Variants in MUC13 observed in about 807,000 individuals in gnomAD.
The protein encoded by MUC13 is mucin 13, cell surface associated.
In MUC13, 32 loss-of-function variants were observed where a neutral mutation model predicts 48.3. That is an observed-to-expected ratio of 0.66 (90% CI 0.50 to 0.89). MUC13 has a LOEUF of 0.89. Ranked by LOEUF, MUC13 falls within the 40% of genes least tolerant of loss-of-function variation. The probability of loss-of-function intolerance (pLI) is 0.00; values close to 1 mark genes in which losing one functional copy is unlikely to be tolerated. For missense variants in MUC13, 571 were observed against 622.8 expected, an observed-to-expected ratio of 0.92 and a Z score of 0.88; for synonymous variants, 199 against 224.9, an observed-to-expected ratio of 0.88 and a Z score of 1.03.
chr3:124,909,506 G>T (rs1484831974), intron 10 of MUC13, among the ~76,000 whole-genome samples: 1 of 151,462 alleles, frequency 6.6e-6, no homozygotes, highest in East Asian at 2.0e-4. Flanking sequence ...GTGTGTGTGT[G>T]TGTGTGTGTG....
intron 9 of MUC13, 63 bp from the exon 10 acceptor site, chr3:124,910,562 A>G: frequency 6.3e-7 from 1 of 1,596,776 alleles, no homozygotes; most frequent in Non-Finnish European, 8.5e-7. Context: ...TCTACTGCAC[A>G]GGTTCGTGTA....
intron 2 of MUC13, among the ~76,000 whole-genome samples, chr3:124,926,035 T>C (rs1399181045): frequency 6.6e-6 from 1 of 152,218 alleles, no homozygotes; most frequent in Non-Finnish European, 1.5e-5. Flanking sequence ...ACCAGTCTTC[T>C]AAATAAAATT....
At chr3:124,923,771 C>A in intron 2 of MUC13, 122 bp from the exon 3 acceptor site, 1 of 904,556 alleles carries the variant, frequency 1.1e-6, no homozygotes, top group Non-Finnish European at 1.7e-6. Context: ...TTGTGTTACT[C>A]CACAGCACAC....
chr3:124,926,847 A>G (rs757982484), intron 2 of MUC13, among the ~76,000 whole-genome samples: 5 of 152,252 alleles, frequency 3.3e-5, no homozygotes, highest in Non-Finnish European at 7.3e-5. Flanking sequence ...CCACAAGGCC[A>G]TTTAGCCTTT....
rs760218050 is a variant in MUC13 at position 124,910,412 on chromosome 3, T to A, written c.1337+3A>T. ...ATTTAAAAAGGACACTTTCATCCCA[T>A]ACCTTGCTGTGACAATCAATGCAAT... On this transcript the variant is annotated splice_donor_region_variant and intron_variant, in intron 10 of 11. Coordinates refer to ENST00000616727, the MANE Select transcript of MUC13 (RefSeq NM_033049.4). The A allele has an allele frequency of 6.2e-7, 1 of 1,613,428 alleles. No homozygotes were observed. Among genetic ancestry groups the A allele is most frequent in the East Asian group, 2.2e-5 (1 of 44,852 alleles).
At chr3:124,913,085 G>A (rs1935451131) in intron 8 of MUC13, 26 bp downstream of exon 8, 1 of 1,611,248 alleles carries the variant, frequency 6.2e-7, no homozygotes, top group Non-Finnish European at 8.5e-7. Flanking sequence ...GCTGTGGCAA[G>A]ACAAAAACAA....
intron 1 of MUC13, among the ~76,000 whole-genome samples, chr3:124,929,173 TTATTTTA>T (rs1200266335): frequency 9.8e-6 from 1 of 101,746 alleles, no homozygotes; most frequent in African/African-American, 3.3e-5. Flanking sequence ...CCCCACTCTT[TTATTTTA>T]TTTTTTTTTT....
intron 2 of MUC13, among the ~76,000 whole-genome samples, chr3:124,925,487 G>A (rs1029029757): frequency 2.0e-5 from 3 of 152,224 alleles, no homozygotes; most frequent in South Asian, 2.1e-4. Context: ...TTTATCAATT[G>A]TAATAAACAC....
At chr3:124,908,760 CT>C (rs1204174347) in intron 10 of MUC13, among the ~76,000 whole-genome samples, 1 of 152,224 alleles carries the variant, frequency 6.6e-6, no homozygotes, top group African/African-American at 2.4e-5. Context: ...TCATATTTTG[CT>C]CATAATATTA....
intron 5 of MUC13, among the ~76,000 whole-genome samples, chr3:124,919,218 T>G (rs1044655932): frequency 2.0e-5 from 3 of 151,040 alleles, no homozygotes; most frequent in Admixed American, 2.0e-4. Context: ...ACACCCATAA[T>G]CCCAGCTACT....
chr3:124,928,447 T>C (rs776219463), intron 1 of MUC13, among the ~76,000 whole-genome samples: 5 of 152,142 alleles, frequency 3.3e-5, no homozygotes, highest in East Asian at 1.9e-4. Flanking sequence ...AGTGTGATCA[T>C]AGTTCACTGC....
At chr3:124,915,595 TA>T (rs1206436901) in intron 6 of MUC13, among the ~76,000 whole-genome samples, 2 of 152,180 alleles carry the variant, frequency 1.3e-5, no homozygotes, top group Non-Finnish European at 2.9e-5. Flanking sequence ...AGGGTTGCAG[TA>T]AATAAATGAT....
intron 8 of MUC13, 132 bp downstream of exon 8, chr3:124,912,979 G>A: frequency 1.8e-6 from 1 of 542,752 alleles, no homozygotes; most frequent in Non-Finnish European, 3.0e-6. Flanking sequence ...TGACAATGAT[G>A]AGGATGCTGT....
chr3:124,916,453 C>T lies in MUC13; in HGVS notation c.828G>A (p.Met276Ile), dbSNP rs371916956. 3.7e-5 allele frequency: 59 copies of T among 1,612,778 alleles called. No individual in the cohort carries two copies. Among genetic ancestry groups the T allele is most frequent in the Non-Finnish European group, 4.3e-5 (51 of 1,179,500 alleles). ...CATTAACAAACTTGTCATCAGCACG[C>T]ATTTCAGATCTTGGTGACAGAGATG... ...VSTSLSPRSE[M>I]RADDKFVNVT... Residue 276 changes from methionine (M) to isoleucine (I), a missense_variant, in exon 6 of 12, where the codon ATG becomes ATA. Physicochemically the swap from Met to Ile is conservative, Grantham distance 10 (BLOSUM62 1). Transcript: ENST00000616727.
At chr3:124,919,042 A>G (rs75592310) in intron 5 of MUC13, among the ~76,000 whole-genome samples, 8,814 of 152,198 alleles carry the variant, frequency 0.058, 352 homozygotes, top group Non-Finnish European at 0.082. Flanking sequence ...AAGATTTTTA[A>G]AAGTTTTTAT....
intron 3 of MUC13, among the ~76,000 whole-genome samples, chr3:124,923,110 A>AAAC (rs1553771869): frequency 6.6e-6 from 1 of 151,422 alleles, no homozygotes; most frequent in African/African-American, 2.4e-5. Context: ...CAGAAAAAAA[A>AAAC]AAAAAACAGA....
intron 10 of MUC13, among the ~76,000 whole-genome samples, chr3:124,909,477 T>C (rs1442345450): frequency 8.8e-6 from 1 of 113,506 alleles, no homozygotes; most frequent in Non-Finnish European, 1.9e-5. Context: ...ATGACACGTG[T>C]GTGCTTGCGT....
chr3:124,920,155 G>A (rs1935570677), intron 5 of MUC13, 79 bp downstream of exon 5: 1 of 1,232,294 alleles, frequency 8.1e-7, no homozygotes, highest in African/African-American at 1.5e-5. Context: ...GGGCCTTAAT[G>A]TTACATGCAG....
intron 6 of MUC13, among the ~76,000 whole-genome samples, chr3:124,914,381 G>A (rs1935476339): frequency 6.6e-6 from 1 of 151,914 alleles, no homozygotes. Flanking sequence ...TTGCACTCCA[G>A]CTCTGGGTGA....
Sources: allele counts gnomAD v4.1 joint callset (sites outside exome capture counted in the v4.1 genomes callset), GRCh38; gene constraint gnomAD v4.1.1; transcripts MANE v1.5; gene names NCBI Gene and HGNC (gene_info 2026-07-23, HGNC 2026-07-21).